The following PKNOX2 variants were observed in gnomAD, a reference collection of about 807,000 sequenced individuals.
PKNOX2 encodes the protein PBX/knotted 1 homeobox 2.
PKNOX2 carries 14 observed loss-of-function variants against 53.1 expected under a neutral mutation model. The ratio of observed to expected loss-of-function variants is 0.26; its 90% confidence interval spans 0.17 to 0.41. The LOEUF is 0.41. Ranked by LOEUF, PKNOX2 falls within the 10% of genes least tolerant of loss-of-function variation. The pLI, the probability that PKNOX2 is intolerant of heterozygous loss-of-function variation, is 1.00. For synonymous variants in PKNOX2, 257 were observed against 242.8 expected, an observed-to-expected ratio of 1.06 and a Z score of -0.54; for missense variants, 496 against 602.8, an observed-to-expected ratio of 0.82 and a Z score of 1.85.
intron 2 of PKNOX2, among the ~76,000 whole-genome samples, chr11:125,315,620 G>A (rs961640488): frequency 6.6e-6 from 1 of 152,208 alleles, no homozygotes; most frequent in Non-Finnish European, 1.5e-5. Flanking sequence ...GGAGGGCTGA[G>A]TGCATGGCAG....
At chr11:125,256,613 G>A (rs1483321554) in intron 2 of PKNOX2, among the ~76,000 whole-genome samples, 1 of 152,186 alleles carries the variant, frequency 6.6e-6, no homozygotes, top group East Asian at 1.9e-4. Flanking sequence ...TTGGTGGTCA[G>A]CGGTGCCTCC....
rs112776955 is a variant in PKNOX2 at position 125,330,989 on chromosome 11, G to A, written c.-129-830G>A. Among the ~76,000 whole-genome samples the A allele has an allele frequency of 3.3e-5, 5 of 152,174 alleles. No individual in the cohort carries two copies. The South Asian group carries it at 6.2e-4, about 19-fold the overall frequency. On this transcript the variant is annotated intron_variant, in intron 2 of 12. Coordinates refer to ENST00000298282, the MANE Select transcript of PKNOX2 (RefSeq NM_001382323.2). Reference sequence around the variant, plus strand: ...CTCCCGATGCTGCTCTGAAAGTGCCGCCCAGGCCTCAGAGCAGCCCCCTCC... The same window carrying A: ...CTCCCGATGCTGCTCTGAAAGTGCCACCCAGGCCTCAGAGCAGCCCCCTCC...
chr11:125,390,057 G>A (rs780957978), intron 6 of PKNOX2, among the ~76,000 whole-genome samples: 5 of 152,156 alleles, frequency 3.3e-5, no homozygotes, highest in South Asian at 2.1e-4. Context: ...CCTTCAGTCC[G>A]GGCTCTCTTT....
At position 125,240,657 on chromosome 11, in the gene PKNOX2, G is replaced by C. The variant is rs1482046566; in HGVS notation, c.-130+5542G>C. Among the ~76,000 whole-genome samples the C allele has an allele frequency of 6.6e-6, 1 of 152,070 alleles. No individual in the cohort carries two copies. The highest frequency in any genetic ancestry group is 2.1e-4 in the South Asian group (1 of 4,810). On this transcript the variant is annotated intron_variant, in intron 2 of 12. Coordinates refer to ENST00000298282, the MANE Select transcript of PKNOX2 (RefSeq NM_001382323.2). This position sits in a 1 kb window ranked among gnomAD's most constrained non-coding sequence, Gnocchi z 4.3. ...GGATTTCCCTCTTTTTTCTTTCTCT[G>C]TGGTGCCTGTCACTTCCACCATTAC...
At chr11:125,286,868 G>T (rs751049997) in intron 2 of PKNOX2, among the ~76,000 whole-genome samples, 1 of 152,264 alleles carries the variant, frequency 6.6e-6, no homozygotes, top group Non-Finnish European at 1.5e-5. Flanking sequence ...GTGCAGGGAA[G>T]AACAGCGTAT....
intron 2 of PKNOX2, among the ~76,000 whole-genome samples, chr11:125,290,887 T>C (rs2135907380): frequency 6.6e-6 from 1 of 151,906 alleles, no homozygotes; most frequent in South Asian, 2.1e-4. Flanking sequence ...CAGAGTGTCA[T>C]ATGGGGGATG....
intron 7 of PKNOX2, among the ~76,000 whole-genome samples, chr11:125,404,527 G>A (rs189941080): frequency 1.4e-3 from 214 of 152,246 alleles, no homozygotes; most frequent in African/African-American, 4.7e-3. Context: ...CTGCCAGAAC[G>A]GAGGGATGCT....
At chr11:125,232,982 G>C (rs146495530) in intron 1 of PKNOX2, among the ~76,000 whole-genome samples, 12 of 151,902 alleles carry the variant, frequency 7.9e-5, no homozygotes, top group African/African-American at 2.9e-4. Context: ...AAAAAAAGTG[G>C]GTTTGCACGT....
intron 4 of PKNOX2, among the ~76,000 whole-genome samples, chr11:125,356,694 C>T (rs911483291): frequency 2.6e-5 from 4 of 152,230 alleles, no homozygotes; most frequent in Admixed American, 2.6e-4. Flanking sequence ...TCTCTGGGCA[C>T]CTTCTTTCCC....
chr11:125,355,618 CTTCTG>C (rs540008970), intron 4 of PKNOX2, among the ~76,000 whole-genome samples: 32 of 152,318 alleles, frequency 2.1e-4, no homozygotes, highest in African/African-American at 7.7e-4. Flanking sequence ...CATCACCCCA[CTTCTG>C]TTCTGTATCT....
Position 125,252,809 on chromosome 11 carries a change from G to A in PKNOX2, c.-130+17694G>A, listed in dbSNP as rs562971969. Among the ~76,000 whole-genome samples the A allele has an allele frequency of 9.8e-5, 15 of 152,310 alleles. 1 individual carries two copies. The South Asian group carries it at 3.1e-3, about 32-fold the overall frequency. On this transcript the variant is annotated intron_variant, in intron 2 of 12. Transcript: ENST00000298282. ...CCAACCCGGCCTTTGGGTTGGAGGT[G>A]GCATCAGGGTTACAGGTGGCATCAG...
chr11:125,191,987 T>G (rs1296379645), intron 1 of PKNOX2, among the ~76,000 whole-genome samples: 1 of 152,168 alleles, frequency 6.6e-6, no homozygotes, highest in Non-Finnish European at 1.5e-5. Flanking sequence ...AGTGGGTAAT[T>G]GTGCATTACA....
intron 1 of PKNOX2, among the ~76,000 whole-genome samples, chr11:125,224,523 G>A (rs779341469): frequency 2.6e-5 from 4 of 152,208 alleles, no homozygotes; most frequent in Non-Finnish European, 4.4e-5. Context: ...GAAATCTCCC[G>A]CCCCTTGCCT....
At position 125,285,291 on chromosome 11, in the gene PKNOX2, G is replaced by A. The variant is rs772189801; in HGVS notation, c.-129-46528G>A. Reference sequence around the variant, plus strand: ...CTCTGGTGCTAAACTGAGAAGGAACGTTGGGAAAACACACCCCAGATTCCC... The same window carrying A: ...CTCTGGTGCTAAACTGAGAAGGAACATTGGGAAAACACACCCCAGATTCCC... On this transcript the variant is annotated intron_variant, in intron 2 of 12. Coordinates refer to ENST00000298282, the MANE Select transcript of PKNOX2 (RefSeq NM_001382323.2). Among the ~76,000 whole-genome samples, 3 of 152,244 alleles carry A rather than the reference G, an allele frequency of 2.0e-5. No individual in the cohort carries two copies. The South Asian group carries it at 6.2e-4, about 32-fold the overall frequency.
At chr11:125,175,718 G>T (rs1955664361) in intron 1 of PKNOX2, among the ~76,000 whole-genome samples, 1 of 152,314 alleles carries the variant, frequency 6.6e-6, no homozygotes, top group Admixed American at 6.5e-5. Context: ...GTGGGCCTTG[G>T]TAGAGCCCTG....
At chr11:125,391,323 A>G (rs1346628136) in intron 6 of PKNOX2, among the ~76,000 whole-genome samples, 2 of 152,202 alleles carry the variant, frequency 1.3e-5, no homozygotes, top group Non-Finnish European at 1.5e-5. Context: ...AGTGCTGTGT[A>G]TACAAACGTT....
chr11:125,270,532 C>T (rs1285533767), intron 2 of PKNOX2, among the ~76,000 whole-genome samples: 1 of 152,304 alleles, frequency 6.6e-6, no homozygotes, highest in African/African-American at 2.4e-5. Flanking sequence ...AGTGTGTGTT[C>T]CCAAGCTAAA....
intron 2 of PKNOX2, among the ~76,000 whole-genome samples, chr11:125,251,395 G>T (rs1323429042): frequency 1.3e-5 from 2 of 152,170 alleles, no homozygotes; most frequent in Non-Finnish European, 2.9e-5. Flanking sequence ...TTCATTAAAG[G>T]CTAATGTATT....
At chr11:125,194,548 C>T (rs369586088) in intron 1 of PKNOX2, among the ~76,000 whole-genome samples, 51 of 152,160 alleles carry the variant, frequency 3.4e-4, no homozygotes, top group East Asian at 1.7e-3. Context: ...CTCCTGCCCC[C>T]GAGTTGGGAT....
Sources: gnomAD v4.1 joint callset for allele counts (sites outside exome capture counted in the v4.1 genomes callset) on GRCh38, gnomAD v4.1.1 for gene constraint, Gnocchi (gnomAD v3.1) non-coding constraint, MANE v1.5 for transcripts, NCBI Gene and HGNC (gene_info 2026-07-23, HGNC 2026-07-21) for gene names.